Variants in NR3C1 observed in about 807,000 individuals in gnomAD.
The protein encoded by NR3C1 is glucocorticoid receptor.
A neutral mutation model predicts 74.0 loss-of-function variants in NR3C1; 14 were observed. That is an observed-to-expected ratio of 0.19 (90% CI 0.12 to 0.30). The LOEUF (loss-of-function observed/expected upper bound fraction) is 0.30. Ranked by LOEUF, NR3C1 falls within the 10% of genes least tolerant of loss-of-function variation. The probability of loss-of-function intolerance (pLI) is 1.00; values close to 1 mark genes in which losing one functional copy is unlikely to be tolerated. For synonymous variants in NR3C1, 308 were observed against 332.5 expected, an observed-to-expected ratio of 0.93 and a Z score of 0.80; for missense variants, 695 against 909.8, an observed-to-expected ratio of 0.76 and a Z score of 3.04.
chr5:143,332,079 C>A (rs1196749312), intron 2 of NR3C1, among the ~76,000 whole-genome samples: 1 of 152,086 alleles, frequency 6.6e-6, no homozygotes, highest in Non-Finnish European at 1.5e-5. Context: ...ACATGAATCA[C>A]AAAATTGATA....
intron 1 of NR3C1, among the ~76,000 whole-genome samples, chr5:143,427,037 T>A (rs547461726): frequency 6.6e-6 from 1 of 152,298 alleles, no homozygotes; most frequent in South Asian, 2.1e-4. Context: ...TCATTTCTGT[T>A]CCTTTTGAAG....
intron 7 of NR3C1, chr5:143,293,763 A>ATGATTCTATTATTTTTTAAC (rs1341437633): frequency 3.8e-6 from 2 of 532,302 alleles, no homozygotes; most frequent in Non-Finnish European, 4.8e-6. Context: ...TTCCATCCTT[A>ATGATTCTATTATTTTTTAAC]TGATTCTATT....
rs1415249544 is a variant in NR3C1, at chr5:143,279,984, G to A, written c.*1905C>T. 2 of 152,624 alleles carry A rather than the reference G, an allele frequency of 1.3e-5. No homozygotes were observed. The highest frequency in any genetic ancestry group is 2.9e-5 in the Non-Finnish European group (2 of 68,264). The allele number at this position is 152,624 out of a possible 1,614,324, so 9.5% of individuals were successfully genotyped here. A position where few individuals can be genotyped will look rare whatever the true frequency, so the allele number is the denominator to read the frequency against. The stretch of plus-strand genomic sequence containing the variant: ...ACTCACTGTTGGAATGAGAAGGGTG[G>A]TCAGAATGGGAGGCAGAGGATAACT... On this transcript the variant is annotated 3_prime_UTR_variant, in exon 9 of 9. Coordinates refer to ENST00000394464, the MANE Select transcript of NR3C1 (RefSeq NM_000176.3).
rs2151954150 is a variant in NR3C1 at position 143,408,718 on chromosome 5, T to C, written c.-13-7866A>G. ...TTGTGGTAAGTACTTCCATGTAGGA[T>C]TTTTCATTTGTGGTATCATAACAAT... is the stretch of plus-strand genomic sequence containing the variant. On this transcript the variant is annotated intron_variant, in intron 1 of 8. Transcript: ENST00000343796. Among the ~76,000 whole-genome samples the C allele has an allele frequency of 2.0e-5, 3 of 152,288 alleles. No homozygotes were observed. The South Asian group carries it at 6.2e-4, about 32-fold the overall frequency.
chr5:143,421,855 C>T lies in NR3C1; in HGVS notation c.-14+12677G>A, dbSNP rs185315729. On this transcript the variant is annotated intron_variant, in intron 1 of 8. Coordinates refer to the NR3C1 transcript ENST00000343796. ...AAATAAATGTGAGTTGTTTCTCTTA[C>T]TTTTTATTCTTACTTGCTTTTGTGG... 1.4e-3 allele frequency among the ~76,000 whole-genome samples: 211 copies of T among 152,070 alleles called. 4 individuals carry two copies. In the South Asian group the frequency reaches 0.022, roughly 16 times the overall value.
chr5:143,417,322 T>C lies in NR3C1; in HGVS notation c.-13-16470A>G, dbSNP rs1410084046. ...TATATAAAACATTGCTTCTGTCTTA[T>C]TTACATAAACTTTATACTTCTCTCT... is the stretch of plus-strand genomic sequence containing the variant. On this transcript the variant is annotated intron_variant, in intron 1 of 8. Transcript: ENST00000343796. Among the ~76,000 whole-genome samples the C allele has an allele frequency of 3.3e-5, 5 of 152,288 alleles. No individual in the cohort carries two copies. In the East Asian group the frequency reaches 7.7e-4, roughly 23 times the overall value.
At chr5:143,298,369 T>G (rs149803754) in intron 6 of NR3C1, among the ~76,000 whole-genome samples, 146 of 152,352 alleles carry the variant, frequency 9.6e-4, no homozygotes, top group African/African-American at 3.4e-3. Context: ...AATAGGGTTA[T>G]GTAAATGATA....
chr5:143,416,283 A>T (rs1008852443), intron 1 of NR3C1, among the ~76,000 whole-genome samples: 1 of 152,182 alleles, frequency 6.6e-6, no homozygotes, highest in Admixed American at 6.5e-5. Context: ...TGCATGGGCC[A>T]GGTCTGGTAA....
At chr5:143,357,350 CA>C (rs1831331430) in intron 2 of NR3C1, among the ~76,000 whole-genome samples, 1 of 151,946 alleles carries the variant, frequency 6.6e-6, no homozygotes, top group South Asian at 2.1e-4. Flanking sequence ...AAAAGAAGAA[CA>C]AAAAACACCA....
At chr5:143,297,075 CAAAAAAAA>C (rs766243522) in intron 6 of NR3C1, among the ~76,000 whole-genome samples, 5 of 60,630 alleles carry the variant, frequency 8.2e-5, no homozygotes, top group Admixed American at 1.9e-4. Context: ...AGACTCGTCT[CAAAAAAAA>C]AAAAAAAAAA....
At chr5:143,385,336 C>T (rs987378305) in intron 2 of NR3C1, among the ~76,000 whole-genome samples, 1 of 152,164 alleles carries the variant, frequency 6.6e-6, no homozygotes, top group Non-Finnish European at 1.5e-5. Context: ...CATTAGGCTA[C>T]TCTTCATCTA....
At chr5:143,413,908 T>A (rs1841392405) in intron 1 of NR3C1, among the ~76,000 whole-genome samples, 1 of 16,052 alleles carries the variant, frequency 6.2e-5, no homozygotes. Flanking sequence ...AAGGGATTTC[T>A]GGGCATGCAG....
intron 4 of NR3C1, among the ~76,000 whole-genome samples, chr5:143,306,751 A>G (rs968043462): frequency 2.0e-5 from 3 of 152,180 alleles, no homozygotes; most frequent in Non-Finnish European, 2.9e-5. Flanking sequence ...ACTAACATGT[A>G]GTAGTTTTCA....
intron 1 of NR3C1, among the ~76,000 whole-genome samples, chr5:143,431,668 T>C (rs1751832845): frequency 1.3e-5 from 2 of 151,852 alleles, no homozygotes; most frequent in Non-Finnish European, 2.9e-5. Context: ...TAAAATAAAA[T>C]AAAATAAAAT....
intron 2 of NR3C1, among the ~76,000 whole-genome samples, chr5:143,394,829 A>C (rs1452153635): frequency 6.6e-6 from 1 of 151,878 alleles, no homozygotes; most frequent in Non-Finnish European, 1.5e-5. Context: ...CTAATTCATG[A>C]CAGTTGATCC....
chr5:143,309,102 T>A (rs1820303192), intron 4 of NR3C1, among the ~76,000 whole-genome samples: 1 of 145,616 alleles, frequency 6.9e-6, no homozygotes, highest in African/African-American at 2.5e-5. Flanking sequence ...CAAGACGGAG[T>A]CTTGCTCTGT....
At chr5:143,352,503 A>G (rs1031079953) in intron 2 of NR3C1, among the ~76,000 whole-genome samples, 1 of 152,040 alleles carries the variant, frequency 6.6e-6, no homozygotes, top group African/African-American at 2.4e-5. Context: ...AACATATTCT[A>G]CGTTTTTTTT....
intron 2 of NR3C1, among the ~76,000 whole-genome samples, chr5:143,362,099 G>C (rs959967434): frequency 7.9e-5 from 12 of 152,086 alleles, no homozygotes; most frequent in Admixed American, 1.3e-4. Flanking sequence ...CAAATAAAAA[G>C]GGCAAAAACT....
intron 2 of NR3C1, among the ~76,000 whole-genome samples, chr5:143,363,038 T>C (rs1832570929): frequency 1.3e-5 from 2 of 152,172 alleles, no homozygotes. Context: ...CTGCAGAAGC[T>C]GGTAGTAAAG....
Sources: gnomAD v4.1 joint callset for allele counts (sites outside exome capture counted in the v4.1 genomes callset) on GRCh38, gnomAD v4.1.1 for gene constraint, MANE v1.5 for transcripts, NCBI Gene and HGNC (gene_info 2026-07-23, HGNC 2026-07-21) for gene names.